WNK1: variants seen among roughly 807,000 people sequenced by gnomAD.
WNK1 encodes WNK lysine deficient protein kinase 1.
WNK1 carries 38 observed loss-of-function variants against 222.8 expected under a neutral mutation model. That is an observed-to-expected ratio of 0.17 (90% CI 0.13 to 0.22). The LOEUF (loss-of-function observed/expected upper bound fraction) is 0.22. WNK1 is among the 10% of genes least tolerant of loss of function. The pLI, the probability that WNK1 is intolerant of heterozygous loss-of-function variation, is 1.00. For missense variants in WNK1, 2,348 were observed against 2,918.4 expected (o/e 0.80, Z 4.50); for synonymous variants, 1,090 against 1,092.9 (o/e 1.00, Z 0.05).
chr12:848,496 C>CT (rs10644583), intron 4 of WNK1, among the ~76,000 whole-genome samples: 2,153 of 99,192 alleles, frequency 0.022, 115 homozygotes, highest in African/African-American at 0.068. Flanking sequence ...CCAGTAAAAA[C>CT]TTTTTTTTTT....
chr12:834,713 C>T (rs1949048200), intron 4 of WNK1, among the ~76,000 whole-genome samples: 1 of 152,130 alleles, frequency 6.6e-6, no homozygotes, highest in Admixed American at 6.5e-5. Context: ...TTGCTTAGCA[C>T]AGTAGATAGT....
In WNK1 at chr12:813,812, A is replaced by C; in HGVS notation, c.930A>C (p.Lys310Asn). The part of the protein sequence containing the change: ...VTELMTSGTL[K>N]TYLKRFKVMK... ...AACTTATGACGTCTGGAACACTTAA[A>C]ACGTAAGTTCATCAGTATTACAAAA... Residue 310 changes from lysine to asparagine, a missense_variant and splice_region_variant, in exon 2 of 28, where the codon AAA becomes AAC. This residue lies in a region of WNK1 where 57 missense variants were observed against 219.0 expected (regional missense o/e 0.26). Transcript: ENST00000315939. 6.2e-7 allele frequency: 1 copy of C among 1,613,706 alleles called. No homozygotes were observed. The highest frequency in any genetic ancestry group is 8.5e-7 in the Non-Finnish European group (1 of 1,179,816).
rs1252122757 is a variant in WNK1 at position 764,410 on chromosome 12, C to T, written c.759+10086C>T. Among the ~76,000 whole-genome samples the T allele has an allele frequency of 2.7e-5, 4 of 146,136 alleles. 1 individual carries two copies. The East Asian group carries it at 7.9e-4, about 29-fold the overall frequency. On this transcript the variant is annotated intron_variant, in intron 1 of 27. Coordinates refer to ENST00000315939, the MANE Select transcript of WNK1 (RefSeq NM_018979.4). ...CAGCACTTTGGGAGGCTGAAGTGGG[C>T]GGATCACCTGAGGTCAGGAGTTAGA...
chr12:769,233 C>T (rs540830205), intron 1 of WNK1, among the ~76,000 whole-genome samples: 1 of 151,444 alleles, frequency 6.6e-6, no homozygotes, highest in South Asian at 2.1e-4. Flanking sequence ...GATTCTCACT[C>T]TGTTACCCAG....
At chr12:898,177 T>G (rs1428205162) in intron 25 of WNK1, among the ~76,000 whole-genome samples, 2 of 152,180 alleles carry the variant, frequency 1.3e-5, no homozygotes, top group Non-Finnish European at 2.9e-5. Flanking sequence ...TTCATTTATA[T>G]TGGGTTAAAG....
At chr12:860,942 C>CTT (rs1951170242) in intron 6 of WNK1, 71 bp from the exon 7 acceptor site, 1 of 1,089,860 alleles carries the variant, frequency 9.2e-7, no homozygotes, top group Non-Finnish European at 1.2e-6. Flanking sequence ...TTTTTTTTGG[C>CTT]GGGGGGTGGT....
chr12:866,548 G>T (rs1951684868), intron 8 of WNK1, among the ~76,000 whole-genome samples: 1 of 152,096 alleles, frequency 6.6e-6, no homozygotes, highest in Non-Finnish European at 1.5e-5. Context: ...TTTTAGTAGA[G>T]ATGGGTTTCA....
At chr12:853,235 C>T (rs1950534771) in intron 4 of WNK1, among the ~76,000 whole-genome samples, 1 of 152,132 alleles carries the variant, frequency 6.6e-6, no homozygotes, top group African/African-American at 2.4e-5. Flanking sequence ...GCATAACCTA[C>T]CAAATTTAAG....
At chr12:823,502 GT>G in intron 2 of WNK1, among the ~76,000 whole-genome samples, 1 of 152,066 alleles carries the variant, frequency 6.6e-6, no homozygotes, top group Non-Finnish European at 1.5e-5. Flanking sequence ...CTATTTTCAA[GT>G]TTATTGCCTT....
chr12:871,691 C>T (rs1952166206), intron 9 of WNK1, among the ~76,000 whole-genome samples: 1 of 152,122 alleles, frequency 6.6e-6, no homozygotes, highest in East Asian at 1.9e-4. Flanking sequence ...CAACCACCGC[C>T]TCCCAGGTTC....
intron 8 of WNK1, chr12:865,193 C>G: frequency 6.5e-7 from 1 of 1,534,610 alleles, no homozygotes; most frequent in Non-Finnish European, 8.7e-7. Flanking sequence ...CAGTGCTCTT[C>G]CACCCCACCG....
At chr12:879,473 C>CTT in intron 10 of WNK1, 100 bp from the exon 11 acceptor site, 1 of 558,702 alleles carries the variant, frequency 1.8e-6, no homozygotes, top group Non-Finnish European at 2.6e-6. Flanking sequence ...TTTTTTCCTT[C>CTT]TTTTTGGCTA....
chr12:875,782 G>A (rs981139672), intron 9 of WNK1, among the ~76,000 whole-genome samples: 2 of 152,274 alleles, frequency 1.3e-5, no homozygotes, highest in Non-Finnish European at 2.9e-5. Flanking sequence ...TAAAGATGCT[G>A]GTGTCTTTAC....
rs1954121894 is a variant in WNK1, at chr12:890,533, CTTTTATA to C, written c.5509+23_5509+29del. 6.2e-7 allele frequency: 1 copy of C among 1,613,424 alleles called. No homozygotes were observed. The highest frequency in any genetic ancestry group is 1.3e-5 in the African/African-American group (1 of 74,888). On this transcript the variant is annotated intron_variant, in intron 22 of 27. Coordinates refer to ENST00000315939, the MANE Select transcript of WNK1 (RefSeq NM_018979.4). ...AGGGTGGTGAGAAACATCCTTCCTC[CTTTTATA>C]TTACTAATTCCAGCCCTACCCGTAG... is the stretch of plus-strand genomic sequence containing the variant.
At position 762,326 on chromosome 12, in the gene WNK1, C is replaced by T. The variant is rs1165231591; in HGVS notation, c.759+8002C>T. On this transcript the variant is annotated intron_variant, in intron 1 of 27. Coordinates refer to ENST00000315939, the MANE Select transcript of WNK1 (RefSeq NM_018979.4). ...CCATCTGCCTCTGCCTCCCAAAACG[C>T]TGGGATTACAGGTGTGGCTCCTCAC... Among the ~76,000 whole-genome samples, 2 of 147,626 alleles carry T rather than the reference C, an allele frequency of 1.4e-5. 1 individual carries two copies. Among genetic ancestry groups the T allele is most frequent in the African/African-American group, 4.9e-5 (2 of 41,112 alleles).
chr12:754,354 C>G (rs780465456), intron 1 of WNK1, 30 bp downstream of exon 1: 1 of 1,612,900 alleles, frequency 6.2e-7, no homozygotes, highest in Non-Finnish European at 8.5e-7. Flanking sequence ...ATTTGACGGT[C>G]CTTTGGATCC....
At chr12:807,708 ATTCTTTTTTTTT>A (rs1444279909) in intron 1 of WNK1, among the ~76,000 whole-genome samples, 29 of 127,764 alleles carry the variant, frequency 2.3e-4, no homozygotes, top group African/African-American at 8.9e-4. Flanking sequence ...GGGAGCAATA[ATTCTTTTTTTTT>A]TTTTTTTTTT....
intron 1 of WNK1, among the ~76,000 whole-genome samples, chr12:772,497 G>A (rs1010109386): frequency 3.3e-5 from 5 of 151,926 alleles, no homozygotes; most frequent in Non-Finnish European, 5.9e-5. Context: ...ATACAGCAGC[G>A]TAATTATGTG....
chr12:909,776 G>A lies in WNK1; in HGVS notation c.*984G>A, dbSNP rs544909920. 11 of 152,318 alleles carry A rather than the reference G, an allele frequency of 7.2e-5. No individual in the cohort carries two copies. The East Asian group carries it at 1.2e-3, about 16-fold the overall frequency. 9.4% of individuals were successfully genotyped at this position (152,318 alleles called of 1,614,324 possible). A position where few individuals can be genotyped will look rare whatever the true frequency, so the allele number is the denominator to read the frequency against. On this transcript the variant is annotated 3_prime_UTR_variant, in exon 28 of 28. Coordinates refer to ENST00000315939, the MANE Select transcript of WNK1 (RefSeq NM_018979.4). ...AATAAAGGGCATGTGGAAGGAAATC[G>A]TAGGTCCATGTGACCCCAGCAGTCC...
Sources: allele counts gnomAD v4.1 joint callset (sites outside exome capture counted in the v4.1 genomes callset), GRCh38; gene constraint gnomAD v4.1.1; regional missense constraint gnomAD v4.1.1; transcripts MANE v1.5; gene names NCBI Gene and HGNC (gene_info 2026-07-23, HGNC 2026-07-21).